SLC35F1: variants seen among roughly 807,000 people sequenced by gnomAD.
SLC35F1 encodes the protein solute carrier family 35 member F1.
SLC35F1 carries 14 observed loss-of-function variants against 48.7 expected under a neutral mutation model. The ratio of observed to expected loss-of-function variants is 0.29; its 90% CI spans 0.19 to 0.45. SLC35F1 has a LOEUF of 0.45. SLC35F1 is among the 20% of genes least tolerant of loss of function. The probability of loss-of-function intolerance (pLI) is 1.00; values close to 1 mark genes in which losing one functional copy is unlikely to be tolerated. For synonymous variants in SLC35F1, 190 were observed against 202.2 expected (o/e 0.94, Z 0.51); for missense variants, 404 against 500.0 (o/e 0.81, Z 1.83).
At chr6:118,126,911 A>C (rs1243764835) in intron 1 of SLC35F1, among the ~76,000 whole-genome samples, 1 of 152,150 alleles carries the variant, frequency 6.6e-6, no homozygotes, top group African/African-American at 2.4e-5. Context: ...TAGATATACA[A>C]TCATGTCGTC....
intron 1 of SLC35F1, among the ~76,000 whole-genome samples, chr6:118,093,177 G>A (rs1773101325): frequency 1.3e-5 from 2 of 152,108 alleles, no homozygotes; most frequent in Admixed American, 6.6e-5. Context: ...TTAGCAGGGT[G>A]TGGTGACATG....
chr6:118,068,874 A>C (rs1207184670), intron 1 of SLC35F1, among the ~76,000 whole-genome samples: 1 of 152,210 alleles, frequency 6.6e-6, no homozygotes, highest in Non-Finnish European at 1.5e-5. Flanking sequence ...AATAGAAAAC[A>C]AATTCCATTA....
intron 3 of SLC35F1, among the ~76,000 whole-genome samples, chr6:118,249,937 C>T (rs535759102): frequency 3.3e-5 from 5 of 152,240 alleles, no homozygotes; most frequent in African/African-American, 7.2e-5. Flanking sequence ...CTGCCCAGGG[C>T]GCTCACCTTT....
At chr6:118,229,542 A>G (rs1033858111) in intron 2 of SLC35F1, among the ~76,000 whole-genome samples, 4 of 152,238 alleles carry the variant, frequency 2.6e-5, no homozygotes, top group Non-Finnish European at 5.9e-5. Flanking sequence ...GGATAATGTC[A>G]TAATTACAAA....
chr6:117,931,040 A>T (rs1177655050), intron 1 of SLC35F1, among the ~76,000 whole-genome samples: 1 of 152,086 alleles, frequency 6.6e-6, no homozygotes, highest in East Asian at 1.9e-4. Context: ...CCCCACAGAG[A>T]TGTTTTGAGA....
At chr6:117,943,905 G>C (rs938199423) in intron 1 of SLC35F1, among the ~76,000 whole-genome samples, 1 of 152,150 alleles carries the variant, frequency 6.6e-6, no homozygotes, top group African/African-American at 2.4e-5. Context: ...ATTAAAGAGT[G>C]TTCAAACTTT....
chr6:118,072,527 G>T lies in SLC35F1; in HGVS notation c.174-81918G>T, dbSNP rs1337644415. Among the ~76,000 whole-genome samples, 5 of 152,120 alleles carry T rather than the reference G, an allele frequency of 3.3e-5. No individual in the cohort carries two copies. In the South Asian group the frequency reaches 1.0e-3, roughly 32 times the overall value. The stretch of plus-strand genomic sequence containing the variant: ...TGCAGTGAGCAGAGATCGTGCCACT[G>T]CACTCCAGCCTGGGCGACAGAGTGA... On this transcript the variant is annotated intron_variant, in intron 1 of 7. Transcript: ENST00000360388.
chr6:117,937,830 T>G (rs1008570347), intron 1 of SLC35F1, among the ~76,000 whole-genome samples: 10 of 152,164 alleles, frequency 6.6e-5, no homozygotes, highest in African/African-American at 2.4e-4. Context: ...CCCTGCGAAT[T>G]TCAGGCCAAA....
intron 1 of SLC35F1, among the ~76,000 whole-genome samples, chr6:117,971,530 T>G (rs2114843248): frequency 6.6e-6 from 1 of 152,368 alleles, no homozygotes; most frequent in Non-Finnish European, 1.5e-5. Context: ...AACATTTCCC[T>G]TCTGCACTGC....
At position 118,307,428 on chromosome 6, in the gene SLC35F1, G is replaced by T. The variant is rs182375629; in HGVS notation, c.1003-6600G>T. Among the ~76,000 whole-genome samples the T allele has an allele frequency of 1.9e-3, 292 of 151,924 alleles. 1 individual carries two copies. Among genetic ancestry groups the T allele is most frequent in the African/African-American group, 6.8e-3 (281 of 41,418 alleles). ...AAATATCACAATATTTAACCAGAAA[G>T]ATTTAGTCCTTTTTTTTTCCTAACA... On this transcript the variant is annotated intron_variant, in intron 7 of 7. Transcript: ENST00000360388.
intron 7 of SLC35F1, among the ~76,000 whole-genome samples, chr6:118,290,989 T>C (rs1776114454): frequency 6.6e-6 from 1 of 151,934 alleles, no homozygotes; most frequent in Admixed American, 6.6e-5. Flanking sequence ...GAGACGGATT[T>C]TCACTATGTT....
chr6:118,178,696 A>G (rs562144400), intron 2 of SLC35F1, among the ~76,000 whole-genome samples: 2 of 152,114 alleles, frequency 1.3e-5, no homozygotes, highest in South Asian at 4.2e-4. Context: ...CCAATAAAGA[A>G]ACCCAGACAG....
chr6:118,233,450 C>T (rs1456137204), intron 2 of SLC35F1, among the ~76,000 whole-genome samples: 4 of 152,246 alleles, frequency 2.6e-5, no homozygotes, highest in African/African-American at 9.6e-5. Context: ...CGGATCACAT[C>T]TGCCAGCCTT....
intron 4 of SLC35F1, among the ~76,000 whole-genome samples, chr6:118,271,220 G>A (rs1775847259): frequency 6.6e-6 from 1 of 152,122 alleles, no homozygotes; most frequent in Non-Finnish European, 1.5e-5. Context: ...TCTTGCAGCT[G>A]AAGAAATCAA....
At chr6:118,111,639 CT>C (rs1430364432) in intron 1 of SLC35F1, among the ~76,000 whole-genome samples, 1 of 151,950 alleles carries the variant, frequency 6.6e-6, no homozygotes, top group Non-Finnish European at 1.5e-5. Context: ...AAACTCAGAT[CT>C]ACGTAAAGGA....
At chr6:118,189,728 C>T (rs1025996467) in intron 2 of SLC35F1, among the ~76,000 whole-genome samples, 1 of 152,156 alleles carries the variant, frequency 6.6e-6, no homozygotes, top group African/African-American at 2.4e-5. Flanking sequence ...TTTCACAAAT[C>T]GGGCAGCCCC....
chr6:118,094,830 T>A (rs889179991), intron 1 of SLC35F1, among the ~76,000 whole-genome samples: 1 of 152,042 alleles, frequency 6.6e-6, no homozygotes, highest in African/African-American at 2.4e-5. Context: ...TAGCTGGGCA[T>A]GGTGAGGCAC....
At chr6:118,128,089 T>C (rs1283401355) in intron 1 of SLC35F1, among the ~76,000 whole-genome samples, 37 of 145,518 alleles carry the variant, frequency 2.5e-4, no homozygotes, top group African/African-American at 8.6e-4. Context: ...ATCAGAGAAA[T>C]GCAAATCAAA....
At chr6:118,118,969 A>T (rs1443048999) in intron 1 of SLC35F1, among the ~76,000 whole-genome samples, 1 of 150,586 alleles carries the variant, frequency 6.6e-6, no homozygotes, top group African/African-American at 2.4e-5. Context: ...TACAGAGTTC[A>T]GACATGGATT....
Sources: gnomAD v4.1 joint callset for allele counts (sites outside exome capture counted in the v4.1 genomes callset) on GRCh38, gnomAD v4.1.1 for gene constraint, MANE v1.5 for transcripts, NCBI Gene and HGNC (gene_info 2026-07-23, HGNC 2026-07-21) for gene names.